PACRG: variants seen among roughly 807,000 people sequenced by gnomAD.
PACRG encodes parkin coregulated gene protein.
In PACRG, 29 loss-of-function variants were observed where a neutral mutation model predicts 29.7. The observed-to-expected ratio is 0.98, with a 90% CI of 0.73 to 1.33. The LOEUF is 1.33. PACRG is among the 40% of genes most tolerant of loss of function. The pLI, the probability that PACRG is intolerant of heterozygous loss-of-function variation, is 0.00. For synonymous variants in PACRG, 116 were observed against 118.7 expected (o/e 0.98, Z 0.15); for missense variants, 279 against 316.2 (o/e 0.88, Z 0.89).
intron 2 of PACRG, among the ~76,000 whole-genome samples, chr6:163,046,051 C>T (rs1158085066): frequency 1.3e-5 from 2 of 152,082 alleles, no homozygotes; most frequent in African/African-American, 2.4e-5. Flanking sequence ...CCAGTCCAGA[C>T]TCAGCCTGCA....
intron 1 of PACRG, among the ~76,000 whole-genome samples, chr6:162,771,426 T>C (rs1416830116): frequency 6.6e-6 from 1 of 152,158 alleles, no homozygotes; most frequent in Admixed American, 6.5e-5. Flanking sequence ...GGAGTCTGTT[T>C]TTGCCAATTT....
chr6:162,947,354 T>TGTGATC (rs374880210), intron 2 of PACRG, among the ~76,000 whole-genome samples: 1 of 47,108 alleles, frequency 2.1e-5, no homozygotes, highest in Non-Finnish European at 4.4e-5. Context: ...TGATTACATA[T>TGTGATC]ATATAATGTA....
In PACRG at chr6:163,063,303, G is replaced by A. The variant is rs59084543; in HGVS notation, c.463+982G>A. 3.3e-4 allele frequency among the ~76,000 whole-genome samples: 50 copies of A among 152,166 alleles called. No individual in the cohort carries two copies. In the East Asian group the frequency reaches 4.3e-3, roughly 13 times the overall value. On this transcript the variant is annotated intron_variant, in intron 3 of 4. Transcript: ENST00000366888. ...TCCAGGCCCAACTGCCCATGGCTTC[G>A]AGGGGTGAGGAGGCCCCTGCTCCCC... is the stretch of plus-strand genomic sequence containing the variant.
chr6:162,790,594 G>T (rs1383100820), intron 1 of PACRG, among the ~76,000 whole-genome samples: 1 of 151,776 alleles, frequency 6.6e-6, no homozygotes, highest in African/African-American at 2.4e-5. Flanking sequence ...ATATTTCTAG[G>T]TCATTAATCA....
intron 4 of PACRG, among the ~76,000 whole-genome samples, chr6:163,175,773 G>GGAA (rs1445983474): frequency 1.3e-5 from 2 of 151,676 alleles, no homozygotes; most frequent in Non-Finnish European, 2.9e-5. Flanking sequence ...AGGAGGAGGA[G>GGAA]GAGGAGGAGC....
chr6:162,921,431 G>C (rs952747975), intron 2 of PACRG, among the ~76,000 whole-genome samples: 2 of 152,184 alleles, frequency 1.3e-5, no homozygotes, highest in African/African-American at 4.8e-5. Context: ...GAGGCTGTCT[G>C]ATTTGTTTTC....
intron 2 of PACRG, among the ~76,000 whole-genome samples, chr6:162,934,068 A>G (rs1339379285): frequency 2.6e-5 from 4 of 152,172 alleles, no homozygotes; most frequent in Non-Finnish European, 5.9e-5. Context: ...GTTCAAGACC[A>G]GCCTGGCTAA....
chr6:163,033,455 C>T (rs1433152622), intron 2 of PACRG, among the ~76,000 whole-genome samples: 1 of 152,080 alleles, frequency 6.6e-6, no homozygotes, highest in Non-Finnish European at 1.5e-5. Flanking sequence ...ATAATGTAGA[C>T]CAAATATTTA....
At chr6:162,749,307 G>C (rs1781335397) in intron 1 of PACRG, among the ~76,000 whole-genome samples, 1 of 152,166 alleles carries the variant, frequency 6.6e-6, no homozygotes, top group Non-Finnish European at 1.5e-5. Context: ...TGCACCGACT[G>C]TCAAGAAGGT....
intron 2 of PACRG, among the ~76,000 whole-genome samples, chr6:163,031,289 C>A (rs761559563): frequency 2.6e-5 from 4 of 152,190 alleles, no homozygotes; most frequent in African/African-American, 4.8e-5. Flanking sequence ...TTTCCATGAA[C>A]TAGGCAACTG....
intron 4 of PACRG, among the ~76,000 whole-genome samples, chr6:163,102,248 C>A (rs1385785080): frequency 6.6e-6 from 1 of 152,204 alleles, no homozygotes; most frequent in African/African-American, 2.4e-5. Flanking sequence ...TCTTTAATAA[C>A]CTGACTCTGA....
intron 2 of PACRG, among the ~76,000 whole-genome samples, chr6:162,883,025 C>A (rs760904408): frequency 5.9e-5 from 9 of 152,204 alleles, no homozygotes; most frequent in Admixed American, 1.3e-4. Flanking sequence ...GAGTTCCACT[C>A]CCTGTTGCAT....
chr6:163,201,919 C>T (rs991484201), intron 4 of PACRG, among the ~76,000 whole-genome samples: 1 of 152,128 alleles, frequency 6.6e-6, no homozygotes, highest in South Asian at 2.1e-4. Context: ...TGGCCAACCT[C>T]GACGTTAGAT....
At chr6:163,277,841 G>A (rs560669306) in intron 4 of PACRG, among the ~76,000 whole-genome samples, 1 of 151,798 alleles carries the variant, frequency 6.6e-6, no homozygotes, top group East Asian at 1.9e-4. Flanking sequence ...TTTTCCTTTG[G>A]GTAGGTACCT....
chr6:163,045,910 G>A (rs58999660), intron 2 of PACRG, among the ~76,000 whole-genome samples: 22,185 of 151,988 alleles, frequency 0.15, 1,701 homozygotes, highest in East Asian at 0.26. Context: ...CACCGTGCCC[G>A]GCCCAAACTG....
At chr6:163,096,976 T>G (rs1182078228) in intron 4 of PACRG, among the ~76,000 whole-genome samples, 3 of 152,164 alleles carry the variant, frequency 2.0e-5, no homozygotes, top group Non-Finnish European at 2.9e-5. Context: ...TAATTGCAAA[T>G]ATTCCAACCC....
chr6:162,981,835 C>A (rs560911012), intron 2 of PACRG, among the ~76,000 whole-genome samples: 2 of 149,438 alleles, frequency 1.3e-5, no homozygotes, highest in South Asian at 2.1e-4. Context: ...TAAGCTGATT[C>A]TCAGCTTGGT....
At chr6:163,052,107 T>C (rs1363414750) in intron 2 of PACRG, 1 of 152,188 alleles carries the variant, frequency 6.6e-6, no homozygotes, top group African/African-American at 2.4e-5. Context: ...AAAATAATAG[T>C]ACATCTACTT....
At chr6:163,027,217 A>C (rs1247689934) in intron 2 of PACRG, among the ~76,000 whole-genome samples, 1 of 152,170 alleles carries the variant, frequency 6.6e-6, no homozygotes, top group Non-Finnish European at 1.5e-5. Flanking sequence ...TTTTCAGACA[A>C]ACCCTGCTTG....
Sources: allele counts gnomAD v4.1 joint callset (sites outside exome capture counted in the v4.1 genomes callset), GRCh38; gene constraint gnomAD v4.1.1; transcripts MANE v1.5; gene names NCBI Gene and HGNC (gene_info 2026-07-23, HGNC 2026-07-21).